The following HDC variants were observed in gnomAD, a reference collection of about 807,000 sequenced individuals.
HDC encodes histidine decarboxylase.
Under a neutral mutation model 64.4 loss-of-function variants are expected in HDC, and 27 were observed. That is an observed-to-expected ratio of 0.42 (90% CI 0.31 to 0.58). HDC has a LOEUF of 0.58. Among genes scored for constraint, HDC ranks in the 20% least tolerant of loss-of-function variants. The pLI is 0.16. For synonymous variants in HDC, 305 were observed against 314.2 expected, an observed-to-expected ratio of 0.97 and a Z score of 0.31; for missense variants, 711 against 833.9, an observed-to-expected ratio of 0.85 and a Z score of 1.81.
intron 4 of HDC, among the ~76,000 whole-genome samples, chr15:50,255,136 C>T (rs965924426): frequency 6.6e-6 from 1 of 152,188 alleles, no homozygotes; most frequent in Non-Finnish European, 1.5e-5. Context: ...TGACCTTGGG[C>T]TAACATTTCC....
intron 4 of HDC, among the ~76,000 whole-genome samples, chr15:50,256,463 A>G (rs933373415): frequency 6.6e-6 from 1 of 152,170 alleles, no homozygotes; most frequent in Non-Finnish European, 1.5e-5. Context: ...ATCATAGCCC[A>G]CTGCAGCCTC....
intron 7 of HDC, 145 bp downstream of exon 7, chr15:50,253,455 A>C (rs981204032): frequency 7.6e-6 from 6 of 787,688 alleles, no homozygotes; most frequent in Non-Finnish European, 1.3e-5. Context: ...AGAGACCCTC[A>C]TGACCTTTGG....
intron 4 of HDC, among the ~76,000 whole-genome samples, chr15:50,256,058 G>A (rs113998183): frequency 5.9e-5 from 9 of 152,298 alleles, no homozygotes; most frequent in Admixed American, 5.9e-4. Flanking sequence ...CTTATCAGCT[G>A]TGTAAGCTAG....
intron 1 of HDC, among the ~76,000 whole-genome samples, chr15:50,265,137 A>C (rs1320404552): frequency 6.6e-6 from 1 of 152,260 alleles, no homozygotes; most frequent in Non-Finnish European, 1.5e-5. Context: ...CACCTACTAA[A>C]TATTTATGAA....
In HDC at chr15:50,243,012, T is replaced by C; in HGVS notation, c.1243-6A>G. The C allele has an allele frequency of 6.2e-7, 1 of 1,614,104 alleles. No individual in the cohort carries two copies. Among genetic ancestry groups the C allele is most frequent in the Non-Finnish European group, 8.5e-7 (1 of 1,180,024 alleles). On this transcript the variant is annotated splice_region_variant and splice_polypyrimidine_tract_variant and intron_variant, in intron 11 of 11. Coordinates refer to ENST00000267845, the MANE Select transcript of HDC (RefSeq NM_002112.4). ...TCTGTGAGACAATTAGGACCCTGTT[T>C]GAAAAATAAAGGAAGTGAAGTCTCC...
At position 50,265,605 on chromosome 15, in the gene HDC, A is replaced by G. The variant is rs564770181; in HGVS notation, c.19T>C (p.Tyr7His). 1.9e-6 allele frequency: 3 copies of G among 1,613,518 alleles called. No individual in the cohort carries two copies. The highest frequency in any genetic ancestry group is 3.3e-5 in the Admixed American group (2 of 59,984). ...GCCCGTTGCTCACCTCTCTCTCTGT[A>G]CTCCTCAGGCTCCATCATCTCCCTT... MMEPEEYRERGREMVDY... is the reference protein window; with the variant it reads MMEPEEHRERGREMVDY... Residue 7 changes from tyrosine to histidine, a missense_variant, in exon 1 of 12, where the codon TAC becomes CAC. Tyr to His is a moderately conservative substitution (Grantham distance 83). Around this residue, in one of 3 missense-constraint regions of HDC, gnomAD observed 225 missense variants for 276.2 expected, o/e 0.81. Transcript: ENST00000267845.
intron 6 of HDC, 107 bp from the exon 7 acceptor site, chr15:50,253,773 A>C (rs73399203): frequency 1.2e-6 from 1 of 858,368 alleles, no homozygotes; most frequent in Non-Finnish European, 2.0e-6. Context: ...CCATCCCACC[A>C]GAACAGTGTA....
intron 2 of HDC, among the ~76,000 whole-genome samples, chr15:50,262,242 G>T (rs1424616046): frequency 1.3e-5 from 2 of 152,088 alleles, no homozygotes; most frequent in Non-Finnish European, 2.9e-5. Context: ...AGGAGAAACG[G>T]CACAGCCTGT....
chr15:50,243,200 G>A lies in HDC; in HGVS notation c.1185C>T (p.Asp395=). The A allele has an allele frequency of 6.2e-7, 1 of 1,614,036 alleles. No homozygotes were observed. Among genetic ancestry groups the A allele is most frequent in the Non-Finnish European group, 8.5e-7 (1 of 1,179,914 alleles). Residue 395 remains aspartate (D), a synonymous_variant, in exon 11 of 12, where the codon GAC becomes GAT. Coordinates refer to ENST00000267845, the MANE Select transcript of HDC (RefSeq NM_002112.4). The part of the protein sequence containing the change: ...AKYFESLVRN[D]PSFEIPAKRH... Reference sequence around the variant, plus strand: ...TCTTGGCAGGAATTTCAAAGGAAGGGTCGTTTCTGACCAGAGATTCAAAAT... The same window carrying A: ...TCTTGGCAGGAATTTCAAAGGAAGGATCGTTTCTGACCAGAGATTCAAAAT...
intron 7 of HDC, chr15:50,253,196 A>C: frequency 2.7e-6 from 1 of 369,782 alleles, no homozygotes; most frequent in Non-Finnish European, 5.1e-6. Flanking sequence ...CTCTGCCTTT[A>C]ATCTCTCCCA....
intron 10 of HDC, among the ~76,000 whole-genome samples, chr15:50,244,220 T>A (rs2045445260): frequency 6.6e-6 from 1 of 152,012 alleles, no homozygotes; most frequent in African/African-American, 2.4e-5. Flanking sequence ...GCTAAGTAAT[T>A]CTATCAGTTA....
chr15:50,245,461 TGAA>T (rs1466811657), intron 10 of HDC, among the ~76,000 whole-genome samples: 6 of 152,050 alleles, frequency 3.9e-5, no homozygotes, highest in African/African-American at 7.3e-5. Flanking sequence ...AAGGAGATGA[TGAA>T]GAAGGGGAAG....
intron 4 of HDC, 97 bp downstream of exon 4, chr15:50,257,328 A>T: frequency 3.7e-5 from 55 of 1,495,278 alleles, no homozygotes; most frequent in Non-Finnish European, 4.8e-5. Flanking sequence ...AATGTGGGGG[A>T]AACTCCATGG....
intron 2 of HDC, among the ~76,000 whole-genome samples, chr15:50,262,088 CAT>C (rs762170661): frequency 2.6e-5 from 4 of 152,048 alleles, no homozygotes; most frequent in Admixed American, 6.6e-5. Context: ...AGCCTCTAAA[CAT>C]GTGTGGTTCA....
rs1444091901 is a variant in HDC at position 50,248,816 on chromosome 15, G to T, written c.1042-473C>A. Among the ~76,000 whole-genome samples the T allele has an allele frequency of 1.3e-5, 2 of 152,162 alleles. No homozygotes were observed. Among genetic ancestry groups the T allele is most frequent in the Non-Finnish European group, 2.9e-5 (2 of 68,028 alleles). ...AGACCTAGGTTTCGCCTCCAGCTGT[G>T]CCACTTACTAGCTGTGTGACCTTGG... is the stretch of plus-strand genomic sequence containing the variant. On this transcript the variant is annotated intron_variant, in intron 9 of 11. Coordinates refer to ENST00000267845, the MANE Select transcript of HDC (RefSeq NM_002112.4). This position sits in a 1 kb window ranked among gnomAD's most constrained non-coding sequence, Gnocchi z 4.3.
intron 7 of HDC, 63 bp from the exon 8 acceptor site, chr15:50,252,837 C>T: frequency 6.6e-7 from 1 of 1,513,286 alleles, no homozygotes; most frequent in Non-Finnish European, 9.0e-7. Context: ...TGTCTCGCAC[C>T]TGGCCAAGCT....
chr15:50,263,157 G>A, intron 2 of HDC, 78 bp downstream of exon 2: 1 of 1,454,016 alleles, frequency 6.9e-7, no homozygotes, highest in South Asian at 1.1e-5. Context: ...CTGACCCAAA[G>A]CAGGTCTTTC....
chr15:50,254,738 T>TTCTCTCTCTCTCTC (rs55859417), intron 4 of HDC, 74 bp from the exon 5 acceptor site: 49 of 865,452 alleles, frequency 5.7e-5, no homozygotes, highest in African/African-American at 4.2e-4. Flanking sequence ...TTCTAGTTTT[T>TTCTCTCTCTCTCTC]TCTCTCTCTC....
rs1038797642 is a variant in HDC, at chr15:50,263,755, G to A, written c.32-348C>T. ...ACGGAGGTTGCAGTGAGCCGAGATC[G>A]TGCCACTGCACTCCAGCCTGGACTC... On this transcript the variant is annotated intron_variant, in intron 1 of 11. Transcript: ENST00000267845. Among the ~76,000 whole-genome samples, 55 of 152,206 alleles carry A rather than the reference G, an allele frequency of 3.6e-4. 1 individual carries two copies. Among genetic ancestry groups the A allele is most frequent in the Admixed American group, 2.9e-3 (45 of 15,296 alleles).
Sources: gnomAD v4.1 joint callset for allele counts (sites outside exome capture counted in the v4.1 genomes callset) on GRCh38, gnomAD v4.1.1 for gene constraint, gnomAD v4.1.1 regional missense constraint, Gnocchi (gnomAD v3.1) non-coding constraint, MANE v1.5 for transcripts, NCBI Gene and HGNC (gene_info 2026-07-23, HGNC 2026-07-21) for gene names.